DAB1: variants seen among roughly 807,000 people sequenced by gnomAD.
The protein encoded by DAB1 is disabled homolog 1.
In DAB1, 15 loss-of-function variants were observed where a neutral mutation model predicts 64.6. The ratio of observed to expected loss-of-function variants is 0.23; its 90% CI spans 0.16 to 0.36. The LOEUF (loss-of-function observed/expected upper bound fraction) is 0.36. Among genes scored for constraint, DAB1 ranks in the 10% least tolerant of loss-of-function variants. The probability of loss-of-function intolerance (pLI) is 1.00; values close to 1 mark genes in which losing one functional copy is unlikely to be tolerated. For synonymous variants in DAB1, 235 were observed against 251.9 expected (o/e 0.93, Z 0.64); for missense variants, 596 against 706.7 (o/e 0.84, Z 1.78).
intron 7 of DAB1, among the ~76,000 whole-genome samples, chr1:57,477,363 C>G (rs74390771): frequency 0.028 from 4,327 of 152,274 alleles, 164 homozygotes; most frequent in African/African-American, 0.092. Context: ...CTATTCTATC[C>G]TATCCCACCC....
intron 1 of DAB1, among the ~76,000 whole-genome samples, chr1:57,371,280 C>T (rs1350062830): frequency 6.6e-6 from 1 of 152,202 alleles, no homozygotes; most frequent in Admixed American, 6.5e-5. Context: ...ATCCAACTCA[C>T]TGACTGTTGA....
intron 6 of DAB1, among the ~76,000 whole-genome samples, chr1:57,751,816 C>T (rs1344456857): frequency 6.8e-6 from 1 of 146,594 alleles, no homozygotes; most frequent in East Asian, 2.0e-4. Flanking sequence ...GCTCTCCTCT[C>T]CATTTCTATT....
chr1:57,521,955 T>C (rs1644532172), intron 7 of DAB1, among the ~76,000 whole-genome samples: 1 of 151,814 alleles, frequency 6.6e-6, no homozygotes, highest in African/African-American at 2.4e-5. Flanking sequence ...AGTAAAAATA[T>C]AAAAAATAGC....
At chr1:58,268,265 T>C (rs1048031592) in intron 4 of DAB1, among the ~76,000 whole-genome samples, 2 of 152,038 alleles carry the variant, frequency 1.3e-5, no homozygotes, top group East Asian at 1.9e-4. Context: ...AAAAAATACA[T>C]ATGAGAGCCA....
In DAB1 at chr1:57,991,650, C is replaced by T. The variant is rs375450834; in HGVS notation, n.388-107488G>A. Among the ~76,000 whole-genome samples the T allele has an allele frequency of 1.4e-3, 209 of 152,042 alleles. 9 individuals are homozygous for T. The South Asian group carries it at 0.042, about 30-fold the overall frequency. The stretch of plus-strand genomic sequence containing the variant: ...ATCACTTGAAGTCAAAAGTTCAAGA[C>T]CAGCCTGGCCAATGGCGAAACCCCA... On this transcript the variant is annotated intron_variant and non_coding_transcript_variant, in intron 5 of 20. Transcript: ENST00000485760.
At chr1:57,790,242 G>A (rs1354192567) in intron 6 of DAB1, among the ~76,000 whole-genome samples, 1 of 152,184 alleles carries the variant, frequency 6.6e-6, no homozygotes, top group Non-Finnish European at 1.5e-5. Context: ...CATGGGAGAA[G>A]TTACCTCCAT....
chr1:57,628,035 G>T (rs990475389), intron 7 of DAB1, among the ~76,000 whole-genome samples: 1 of 152,182 alleles, frequency 6.6e-6, no homozygotes, highest in African/African-American at 2.4e-5. Flanking sequence ...GATATTCATG[G>T]CATTCTTTGT....
intron 6 of DAB1, among the ~76,000 whole-genome samples, chr1:57,673,061 A>C (rs1289439259): frequency 6.6e-6 from 1 of 152,110 alleles, no homozygotes; most frequent in African/African-American, 2.4e-5. Flanking sequence ...TAAACAATAG[A>C]AATTTATTTC....
At chr1:58,373,737 C>G (rs1020970110) in intron 3 of DAB1, among the ~76,000 whole-genome samples, 1 of 151,910 alleles carries the variant, frequency 6.6e-6, no homozygotes, top group Non-Finnish European at 1.5e-5. Context: ...AGTTCTAGAT[C>G]CCTAAGGAAT....
intron 4 of DAB1, among the ~76,000 whole-genome samples, chr1:58,332,917 T>C (rs947968914): frequency 1.2e-4 from 18 of 152,078 alleles, no homozygotes; most frequent in Admixed American, 9.2e-4. Context: ...TTTATTTATT[T>C]ATTTATTTTT....
chr1:58,484,617 T>A (rs12094207), intron 3 of DAB1, among the ~76,000 whole-genome samples: 1 of 152,196 alleles, frequency 6.6e-6, no homozygotes, highest in African/African-American at 2.4e-5. Context: ...AAAAGCTGGC[T>A]TGGTAAATGT....
At chr1:57,516,445 C>T (rs1273612899) in intron 7 of DAB1, among the ~76,000 whole-genome samples, 1 of 152,064 alleles carries the variant, frequency 6.6e-6, no homozygotes, top group South Asian at 2.1e-4. Flanking sequence ...GTATTTACAC[C>T]CCCATAAGTC....
At chr1:58,171,153 T>A (rs1392273150) in intron 4 of DAB1, among the ~76,000 whole-genome samples, 1 of 152,190 alleles carries the variant, frequency 6.6e-6, no homozygotes, top group African/African-American at 2.4e-5. Flanking sequence ...ATTATCTACA[T>A]GAATATGGGG....
intron 6 of DAB1, among the ~76,000 whole-genome samples, chr1:57,732,577 T>A (rs955169202): frequency 6.6e-6 from 1 of 152,188 alleles, no homozygotes; most frequent in Non-Finnish European, 1.5e-5. Context: ...AATAAACTCA[T>A]GGTGCAGGAA....
chr1:57,535,884 C>T lies in DAB1; in HGVS notation n.625+113708G>A, dbSNP rs1179426837. ...TTAAAATGCAATCTTATGATGAAAT[C>T]CAAAAGATAAAACTGATGAAAATGG... On this transcript the variant is annotated intron_variant and non_coding_transcript_variant, in intron 7 of 20. Transcript: ENST00000485760. Among the ~76,000 whole-genome samples, 6 of 152,092 alleles carry T rather than the reference C, an allele frequency of 3.9e-5. No individual in the cohort carries two copies. The South Asian group carries it at 1.0e-3, about 26-fold the overall frequency.
intron 2 of DAB1, among the ~76,000 whole-genome samples, chr1:57,274,857 C>A (rs901629134): frequency 6.6e-6 from 1 of 150,514 alleles, no homozygotes; most frequent in Admixed American, 6.7e-5. Flanking sequence ...GCTGGGATTA[C>A]ATGTGTGAGC....
At chr1:58,493,065 A>G (rs1286135579) in intron 3 of DAB1, among the ~76,000 whole-genome samples, 1 of 152,222 alleles carries the variant, frequency 6.6e-6, no homozygotes, top group African/African-American at 2.4e-5. Context: ...AAGCTTATCC[A>G]CCATGATCAA....
At chr1:57,970,243 T>C (rs979151940) in intron 5 of DAB1, among the ~76,000 whole-genome samples, 2 of 152,146 alleles carry the variant, frequency 1.3e-5, no homozygotes, top group African/African-American at 2.4e-5. Flanking sequence ...ACAAAGACTA[T>C]AGTCAATAAA....
Position 57,218,937 on chromosome 1 carries a change from T to C in DAB1, c.67+72027A>G, listed in dbSNP as rs12049423. The stretch of plus-strand genomic sequence containing the variant: ...GCCACAGCAGAACATCCTGCTCTGG[T>C]CTGGAATTATACAGGGGGAAGATAA... On this transcript the variant is annotated intron_variant, in intron 2 of 14. Coordinates refer to ENST00000371236, the MANE Select transcript of DAB1 (RefSeq NM_001365792.1). Among the ~76,000 whole-genome samples, 36 of 152,188 alleles carry C rather than the reference T, an allele frequency of 2.4e-4. No individual in the cohort carries two copies. In the East Asian group the frequency reaches 6.8e-3, roughly 29 times the overall value.
Sources: gnomAD v4.1 joint callset for allele counts (sites outside exome capture counted in the v4.1 genomes callset) on GRCh38, gnomAD v4.1.1 for gene constraint, MANE v1.5 for transcripts, NCBI Gene and HGNC (gene_info 2026-07-23, HGNC 2026-07-21) for gene names.